Variants in NYAP2 observed in about 807,000 individuals in gnomAD.
NYAP2 encodes neuronal tyrosine-phosphorylated phosphoinositide-3-kinase adaptor 2, also known as neuronal tyrosine-phosphorylated phosphoinositide-3-kinase adapter 2.
A neutral mutation model predicts 50.4 loss-of-function variants in NYAP2; 23 were observed. The ratio of observed to expected loss-of-function variants is 0.46; its 90% confidence interval spans 0.33 to 0.65. NYAP2 has a LOEUF of 0.65. Ranked by LOEUF, NYAP2 falls within the 30% of genes least tolerant of loss-of-function variation. The pLI is 0.02. For synonymous variants in NYAP2, 394 were observed against 365.2 expected, an observed-to-expected ratio of 1.08 and a Z score of -0.90; for missense variants, 885 against 861.0, an observed-to-expected ratio of 1.03 and a Z score of -0.35.
chr2:225,613,615 C>T (rs1692936718), intron 5 of NYAP2, among the ~76,000 whole-genome samples: 1 of 152,178 alleles, frequency 6.6e-6, no homozygotes, highest in Non-Finnish European at 1.5e-5. Context: ...CCCATAGTAG[C>T]CACTTAATAC....
At chr2:225,514,577 G>A (rs553962448) in intron 4 of NYAP2, among the ~76,000 whole-genome samples, 1 of 152,210 alleles carries the variant, frequency 6.6e-6, no homozygotes, top group African/African-American at 2.4e-5. Context: ...CTCTTCGTAG[G>A]AGGATGCTAA....
At chr2:225,489,911 C>A (rs568134753) in intron 3 of NYAP2, among the ~76,000 whole-genome samples, 15 of 152,264 alleles carry the variant, frequency 9.9e-5, no homozygotes, top group African/African-American at 2.2e-4. Flanking sequence ...CAATGTATAG[C>A]CAAGTTTGAG....
chr2:225,448,489 A>T (rs933083977), intron 3 of NYAP2, among the ~76,000 whole-genome samples: 1 of 152,226 alleles, frequency 6.6e-6, no homozygotes, highest in Non-Finnish European at 1.5e-5. Context: ...TATTAATTTA[A>T]AAAGAAGTAT....
At chr2:225,417,219 T>C (rs537304096) in intron 3 of NYAP2, among the ~76,000 whole-genome samples, 86 of 152,282 alleles carry the variant, frequency 5.6e-4, no homozygotes, top group Non-Finnish European at 9.7e-4. Flanking sequence ...ATGTGTGTAA[T>C]GTAACAAATG....
intron 4 of NYAP2, among the ~76,000 whole-genome samples, chr2:225,538,621 G>T (rs1691393013): frequency 6.6e-6 from 1 of 152,132 alleles, no homozygotes; most frequent in Non-Finnish European, 1.5e-5. Context: ...GCTTGTAATG[G>T]GAGAGGTTGC....
intron 4 of NYAP2, among the ~76,000 whole-genome samples, chr2:225,543,323 T>C (rs996335326): frequency 6.6e-6 from 1 of 152,006 alleles, no homozygotes; most frequent in African/African-American, 2.4e-5. Context: ...CTTCCTTTTC[T>C]AGTTCTTTAA....
At chr2:225,574,108 C>T (rs1307183658) in intron 4 of NYAP2, among the ~76,000 whole-genome samples, 1 of 152,308 alleles carries the variant, frequency 6.6e-6, no homozygotes, top group Non-Finnish European at 1.5e-5. Flanking sequence ...GTTTCATTAT[C>T]TAAGTCACGC....
chr2:225,453,262 T>C (rs993893311), intron 3 of NYAP2, among the ~76,000 whole-genome samples: 3 of 152,164 alleles, frequency 2.0e-5, no homozygotes, highest in Admixed American at 6.5e-5. Flanking sequence ...GGGAAACATA[T>C]TGACAGCTAA....
intron 5 of NYAP2, among the ~76,000 whole-genome samples, chr2:225,603,023 A>G (rs938424673): frequency 6.6e-6 from 1 of 152,176 alleles, no homozygotes. Context: ...GATTACAATG[A>G]CTAGATACAT....
intron 5 of NYAP2, among the ~76,000 whole-genome samples, chr2:225,612,408 C>T (rs1692904942): frequency 6.6e-6 from 1 of 152,008 alleles, no homozygotes. Flanking sequence ...GCATTCATGT[C>T]CTGGTTCCTC....
At chr2:225,667,432 C>T in the NYAP2 span, among the ~76,000 whole-genome samples, 6 of 151,996 alleles carry the variant, frequency 3.9e-5, no homozygotes, top group Admixed American at 3.3e-4. Context: ...ATAGGATTAA[C>T]AAATGTTGAG....
rs1559202460 is a variant in NYAP2, at chr2:225,518,542, ATATATATATATATATATATATATAT to A, written c.523+4871_523+4895del. 7.1e-4 allele frequency among the ~76,000 whole-genome samples: 48 copies of A among 67,658 alleles called. 5 individuals carry two copies. The highest frequency in any genetic ancestry group is 2.5e-3 in the African/African-American group (47 of 18,472). The allele number at this position is 67,658 out of a possible 152,430, so 44.4% of individuals were successfully genotyped here. On this transcript the variant is annotated intron_variant, in intron 4 of 6. Coordinates refer to ENST00000636099, the Ensembl canonical transcript of NYAP2. Reference sequence around the variant, plus strand: ...AGCTAATATATATATATATATATATATATATATATATATATATATATATATATTAGCGTGTGCGCTTATATATATA... The same window carrying A: ...AGCTAATATATATATATATATATATAATTAGCGTGTGCGCTTATATATATA...
In NYAP2 at chr2:225,582,169, A is replaced by C; in HGVS notation, c.752A>C (p.Asn251Thr). 1 of 1,614,028 alleles carries C rather than the reference A, an allele frequency of 6.2e-7. No individual in the cohort carries two copies. The change falls in exon 5 of 7, where the codon AAC becomes ACC. Residue 251 changes from asparagine to threonine, a missense_variant. Coordinates refer to ENST00000636099, the Ensembl canonical transcript of NYAP2. This position sits in a 1 kb window ranked among gnomAD's most constrained non-coding sequence, Gnocchi z 7.0. ...CCCGTGTACATCGAGATGGTGGGGA[A>C]CATTCTCAGAGACTTCAGGAAGGAG...
intron 5 of NYAP2, among the ~76,000 whole-genome samples, chr2:225,598,325 TACAA>T (rs995407573): frequency 2.0e-5 from 3 of 152,072 alleles, no homozygotes; most frequent in African/African-American, 4.8e-5. Context: ...ATGTCCTGGT[TACAA>T]ACAATTTATC....
intron 3 of NYAP2, among the ~76,000 whole-genome samples, chr2:225,433,307 G>A (rs987839056): frequency 6.6e-6 from 1 of 151,426 alleles, no homozygotes; most frequent in Non-Finnish European, 1.5e-5. Flanking sequence ...TGCCAAGATC[G>A]TGCCTGTTAC....
chr2:225,595,856 C>T (rs1379243541), intron 5 of NYAP2, among the ~76,000 whole-genome samples: 1 of 152,192 alleles, frequency 6.6e-6, no homozygotes, highest in African/African-American at 2.4e-5. Flanking sequence ...TCCATTTCTT[C>T]TCCCTCATTC....
At chr2:225,601,333 A>G (rs935371855) in intron 5 of NYAP2, among the ~76,000 whole-genome samples, 1 of 151,908 alleles carries the variant, frequency 6.6e-6, no homozygotes, top group Non-Finnish European at 1.5e-5. Flanking sequence ...GCTGGCCAGA[A>G]TGGTCTCGAT....
At chr2:225,505,022 T>A (rs989818661) in intron 3 of NYAP2, among the ~76,000 whole-genome samples, 1 of 140,136 alleles carries the variant, frequency 7.1e-6, no homozygotes, top group African/African-American at 2.7e-5. Flanking sequence ...AAAAAAAAAA[T>A]CATCATCATC....
intron 5 of NYAP2, among the ~76,000 whole-genome samples, chr2:225,593,415 C>T (rs1470438835): frequency 6.6e-6 from 1 of 152,204 alleles, no homozygotes; most frequent in Non-Finnish European, 1.5e-5. Flanking sequence ...CCCCTTCCTC[C>T]TTCTGAGACT....
Sources: gnomAD v4.1 joint callset for allele counts (sites outside exome capture counted in the v4.1 genomes callset) on GRCh38, gnomAD v4.1.1 for gene constraint, Gnocchi (gnomAD v3.1) non-coding constraint, MANE v1.5 for transcripts, NCBI Gene and HGNC (gene_info 2026-07-23, HGNC 2026-07-21) for gene names.